The following ARHGEF38 variants were observed in gnomAD, a reference collection of about 807,000 sequenced individuals.
ARHGEF38 encodes the protein Rho guanine nucleotide exchange factor 38.
A neutral mutation model predicts 79.9 loss-of-function variants in ARHGEF38; 79 were observed. The ratio of observed to expected loss-of-function variants is 0.99; its 90% CI spans 0.82 to 1.19. ARHGEF38 has a LOEUF of 1.19. Among genes scored for constraint, ARHGEF38 ranks in the 50% most tolerant of loss-of-function variants. The probability of loss-of-function intolerance (pLI) is 0.00; values close to 1 mark genes in which losing one functional copy is unlikely to be tolerated. For missense variants in ARHGEF38, 962 were observed against 907.2 expected (o/e 1.06, Z -0.78); for synonymous variants, 366 against 328.3 (o/e 1.11, Z -1.24).
chr4:105,561,823 T>G (rs1236356495), intron 1 of ARHGEF38, among the ~76,000 whole-genome samples: 1 of 152,168 alleles, frequency 6.6e-6, no homozygotes, highest in Non-Finnish European at 1.5e-5. Context: ...AAAGAAGCAG[T>G]TAGACCTAGG....
chr4:105,608,326 G>T (rs1335731110), intron 2 of ARHGEF38, among the ~76,000 whole-genome samples: 1 of 151,852 alleles, frequency 6.6e-6, no homozygotes, highest in Non-Finnish European at 1.5e-5. Flanking sequence ...GTGATATTGA[G>T]CATTAAATAC....
intron 10 of ARHGEF38, among the ~76,000 whole-genome samples, chr4:105,663,904 A>G (rs149245994): frequency 0.029 from 4,369 of 150,586 alleles, 66 homozygotes; most frequent in African/African-American, 0.04. Context: ...TGGGAGGCGG[A>G]GGTTGCAGTG....
intron 2 of ARHGEF38, among the ~76,000 whole-genome samples, chr4:105,595,908 G>A (rs1448081680): frequency 6.6e-6 from 1 of 152,110 alleles, no homozygotes; most frequent in Non-Finnish European, 1.5e-5. Context: ...GGAACTCAAG[G>A]ATTCAGAGGG....
chr4:105,576,929 A>G (rs576763340), intron 1 of ARHGEF38, among the ~76,000 whole-genome samples: 40 of 152,222 alleles, frequency 2.6e-4, no homozygotes, highest in Middle Eastern at 3.4e-3. Flanking sequence ...ATTGACTCGT[A>G]TATGTTTAAC....
intron 3 of ARHGEF38, 60 bp from the exon 4 acceptor site, chr4:105,630,838 T>A: frequency 1.4e-6 from 2 of 1,459,996 alleles, no homozygotes; most frequent in East Asian, 2.4e-5. Flanking sequence ...TTGAAAATAA[T>A]CATGTGAAGT....
rs114501604 is a variant in ARHGEF38 at position 105,605,185 on chromosome 4, C to A, written c.385-8199C>A. Among the ~76,000 whole-genome samples the A allele has an allele frequency of 6.5e-3, 983 of 152,220 alleles. 9 individuals carry two copies. Among genetic ancestry groups the A allele is most frequent in the African/African-American group, 0.023 (940 of 41,552 alleles). On this transcript the variant is annotated intron_variant, in intron 2 of 13. Coordinates refer to ENST00000420470, the MANE Select transcript of ARHGEF38 (RefSeq NM_001242729.2). ...CAGAGAAGAGAAACAAAGGCAGAGA[C>A]CTTTAGTCAACTATTTACCTTTTAC...
chr4:105,589,641 T>A, intron 2 of ARHGEF38, among the ~76,000 whole-genome samples: 1 of 151,148 alleles, frequency 6.6e-6, no homozygotes, highest in East Asian at 1.9e-4. Context: ...AAAGGAGGAG[T>A]CAGACAATAC....
Position 105,613,365 on chromosome 4 carries a change from A to G in ARHGEF38, c.385-19A>G, listed in dbSNP as rs1728377715. The G allele has an allele frequency of 3.7e-6, 6 of 1,609,024 alleles. No homozygotes were observed. Among genetic ancestry groups the G allele is most frequent in the Non-Finnish European group, 4.2e-6 (5 of 1,177,236 alleles). Reference sequence around the variant, plus strand: ...AATACAGTGCTTCTCCATCAGCTCAATGTTTTTTGTTTCTTCAGACTGATA... The same window carrying G: ...AATACAGTGCTTCTCCATCAGCTCAGTGTTTTTTGTTTCTTCAGACTGATA... On this transcript the variant is annotated intron_variant, in intron 2 of 13. Coordinates refer to ENST00000420470, the MANE Select transcript of ARHGEF38 (RefSeq NM_001242729.2).
chr4:105,598,749 T>C (rs1009694399), intron 2 of ARHGEF38, among the ~76,000 whole-genome samples: 35 of 152,012 alleles, frequency 2.3e-4, no homozygotes, highest in Non-Finnish European at 4.6e-4. Flanking sequence ...TCTGGGCCAT[T>C]GTTTCTCCAT....
At chr4:105,567,453 T>C (rs1725981901) in intron 1 of ARHGEF38, among the ~76,000 whole-genome samples, 1 of 152,246 alleles carries the variant, frequency 6.6e-6, no homozygotes, top group Admixed American at 6.5e-5. Flanking sequence ...TCATTAATTA[T>C]GTAAGTTTCG....
intron 7 of ARHGEF38, among the ~76,000 whole-genome samples, chr4:105,652,627 T>G (rs1160564666): frequency 6.6e-6 from 1 of 152,196 alleles, no homozygotes; most frequent in Non-Finnish European, 1.5e-5. Flanking sequence ...TTTCTCACAG[T>G]GTGATTCTTG....
intron 1 of ARHGEF38, among the ~76,000 whole-genome samples, chr4:105,556,345 G>T (rs959058750): frequency 6.6e-6 from 1 of 152,124 alleles, no homozygotes; most frequent in African/African-American, 2.4e-5. Context: ...GAGGCTCAAA[G>T]TCTGGTTGGG....
intron 1 of ARHGEF38, among the ~76,000 whole-genome samples, chr4:105,587,158 A>C (rs1727092964): frequency 6.6e-6 from 1 of 152,116 alleles, no homozygotes; most frequent in African/African-American, 2.4e-5. Context: ...AATATTACAA[A>C]TTAGGCTGGT....
chr4:105,659,810 T>C (rs1730489370), intron 10 of ARHGEF38, among the ~76,000 whole-genome samples: 1 of 151,988 alleles, frequency 6.6e-6, no homozygotes, highest in Non-Finnish European at 1.5e-5. Context: ...CCATGCTTTG[T>C]TTTGATTTCA....
rs555237797 is a variant in ARHGEF38, at chr4:105,603,629, G to A, written c.385-9755G>A. ...TTTCCTGAGCCCCGAGGCATCCAGA[G>A]TGTACCTTCATATTCTGCCATTCAG... On this transcript the variant is annotated intron_variant, in intron 2 of 13. Transcript: ENST00000420470. Among the ~76,000 whole-genome samples the A allele has an allele frequency of 7.9e-5, 12 of 152,236 alleles. No individual in the cohort carries two copies. In the South Asian group the frequency reaches 2.3e-3, roughly 29 times the overall value.
At position 105,561,484 on chromosome 4, in the gene ARHGEF38, A is replaced by AGAATAGAATG. The variant is rs1560684668; in HGVS notation, c.196+8532_196+8533insGGAATAGAAT. 6 of 59,870 alleles carry AGAATAGAATG rather than the reference A, an allele frequency of 1.0e-4. 1 individual carries two copies. The highest frequency in any genetic ancestry group is 1.6e-4 in the Non-Finnish European group (4 of 25,242). The allele number at this position is 59,870 out of a possible 1,614,324, so 3.7% of individuals were successfully genotyped here. A position where few individuals can be genotyped will look rare whatever the true frequency, so the allele number is the denominator to read the frequency against. On this transcript the variant is annotated intron_variant, in intron 1 of 13. Coordinates refer to ENST00000420470, the MANE Select transcript of ARHGEF38 (RefSeq NM_001242729.2). Reference sequence around the variant, plus strand: ...AGAATAGAATAGAATAGAATAGAATAGAATAGAATAGAATAGAATAGAATA... The same window carrying AGAATAGAATG: ...AGAATAGAATAGAATAGAATAGAATAGAATAGAATGGAATAGAATAGAATAGAATAGAATA...
chr4:105,617,896 G>C (rs1228533978), intron 3 of ARHGEF38, among the ~76,000 whole-genome samples: 1 of 152,100 alleles, frequency 6.6e-6, no homozygotes, highest in Non-Finnish European at 1.5e-5. Flanking sequence ...GCCTTTGATG[G>C]AGCTCCTCTT....
At position 105,648,847 on chromosome 4, in the gene ARHGEF38, T is replaced by TC. The variant is rs10682054; in HGVS notation, c.1008+165_1008+166insC. Among the ~76,000 whole-genome samples the TC allele has an allele frequency of 5.9e-4, 88 of 149,222 alleles. 1 individual carries two copies. Among genetic ancestry groups the TC allele is most frequent in the African/African-American group, 1.5e-3 (58 of 39,270 alleles). On this transcript the variant is annotated intron_variant, in intron 7 of 13. Coordinates refer to ENST00000420470, the MANE Select transcript of ARHGEF38 (RefSeq NM_001242729.2). ...CTCTCTCTCTCTCTCTCTCTCTCTC[T>TC]TTCTCTCTCTCTCTCTCTCTCTCTG... is the stretch of plus-strand genomic sequence containing the variant.
intron 2 of ARHGEF38, among the ~76,000 whole-genome samples, chr4:105,606,060 G>T (rs540282067): frequency 6.6e-6 from 1 of 152,220 alleles, no homozygotes; most frequent in Non-Finnish European, 1.5e-5. Flanking sequence ...TCACCAAAAT[G>T]TTGTGTGTGG....
Sources: allele counts gnomAD v4.1 joint callset (sites outside exome capture counted in the v4.1 genomes callset), GRCh38; gene constraint gnomAD v4.1.1; transcripts MANE v1.5; gene names NCBI Gene and HGNC (gene_info 2026-07-23, HGNC 2026-07-21).